SAMMSON: variants seen among roughly 807,000 people sequenced by gnomAD.
SAMMSON encodes long intergenic non-protein coding RNA 1212.
intron 4 of SAMMSON, chr3:70,125,712 T>C (rs2067455065): frequency 4.4e-6 from 3 of 687,032 alleles, no homozygotes; most frequent in Middle Eastern, 6.6e-4. Flanking sequence ...GTAACAGCAC[T>C]AGATGTAAAC....
chr3:70,044,955 A>G (rs2067118632), intron 3 of SAMMSON, among the ~76,000 whole-genome samples: 1 of 135,894 alleles, frequency 7.4e-6, no homozygotes, highest in Non-Finnish European at 1.5e-5. Context: ...AAATACTTTA[A>G]TTATATTAGA....
At chr3:70,173,714 A>G (rs1032141693) in intron 4 of SAMMSON, among the ~76,000 whole-genome samples, 3 of 151,970 alleles carry the variant, frequency 2.0e-5, no homozygotes, top group African/African-American at 7.2e-5. Flanking sequence ...TTGTGTTTTT[A>G]CAGTCTTGTT....
chr3:70,241,705 T>C (rs1263928820), intron 4 of SAMMSON, among the ~76,000 whole-genome samples: 2 of 152,190 alleles, frequency 1.3e-5, no homozygotes, highest in East Asian at 1.9e-4. Context: ...TGTCCTGCTG[T>C]TCCTAAACAT....
chr3:70,392,174 A>C (rs1391410467), downstream of SAMMSON, among the ~76,000 whole-genome samples: 2 of 152,158 alleles, frequency 1.3e-5, no homozygotes, highest in African/African-American at 4.8e-5. Flanking sequence ...CATAGTCCAT[A>C]ACTGTTCATA....
At chr3:70,070,771 T>C (rs2067226558) in intron 3 of SAMMSON, among the ~76,000 whole-genome samples, 1 of 152,066 alleles carries the variant, frequency 6.6e-6, no homozygotes, top group Admixed American at 6.6e-5. Flanking sequence ...TGAGCAATAC[T>C]GTATTGAGGT....
At position 70,170,935 on chromosome 3, in the gene SAMMSON, A is replaced by T. The variant is rs1201613707; in HGVS notation, n.508-78172A>T. On this transcript the variant is annotated intron_variant and non_coding_transcript_variant, in intron 4 of 9. Coordinates refer to ENST00000642114, the Ensembl canonical transcript of SAMMSON. The stretch of plus-strand genomic sequence containing the variant: ...TCTTAAACAAACAAAATTCAATTTC[A>T]TGGAGATTCTGCCTGTGTAATAACT... 2.6e-5 allele frequency among the ~76,000 whole-genome samples: 4 copies of T among 151,914 alleles called. No individual in the cohort carries two copies. The East Asian group carries it at 7.7e-4, about 29-fold the overall frequency.
intron 9 of SAMMSON, among the ~76,000 whole-genome samples, chr3:70,386,573 G>A (rs569770557): frequency 1.3e-5 from 2 of 152,154 alleles, no homozygotes; most frequent in Admixed American, 1.3e-4. Flanking sequence ...ATTAGACTAC[G>A]CTACAGCTCA....
rs139241188 is a variant in SAMMSON at position 70,139,639 on chromosome 3, G to C, written n.507+68074G>C. Among the ~76,000 whole-genome samples, 8 of 152,288 alleles carry C rather than the reference G, an allele frequency of 5.3e-5. No individual in the cohort carries two copies. In the East Asian group the frequency reaches 1.5e-3, roughly 29 times the overall value. Reference sequence around the variant, plus strand: ...GGAGTGATTGAGGAGTACGGTTATGGAGTTTGGGGTAAGGAAGCCCATGAC... The same window carrying C: ...GGAGTGATTGAGGAGTACGGTTATGCAGTTTGGGGTAAGGAAGCCCATGAC... On this transcript the variant is annotated intron_variant and non_coding_transcript_variant, in intron 4 of 9. Transcript: ENST00000642114.
chr3:70,164,502 C>T (rs2067628825), intron 4 of SAMMSON, among the ~76,000 whole-genome samples: 3 of 151,970 alleles, frequency 2.0e-5, no homozygotes, highest in Non-Finnish European at 4.4e-5. Flanking sequence ...AACCTTGTGC[C>T]TGCACTTTTT....
intron 7 of SAMMSON, among the ~76,000 whole-genome samples, chr3:70,314,181 C>G (rs1702479200): frequency 6.6e-6 from 1 of 152,160 alleles, no homozygotes; most frequent in Non-Finnish European, 1.5e-5. Context: ...CTCCTCCCCC[C>G]AGTGCAACCA....
At chr3:70,336,270 A>G (rs1408765267) in intron 7 of SAMMSON, among the ~76,000 whole-genome samples, 1 of 152,056 alleles carries the variant, frequency 6.6e-6, no homozygotes, top group Non-Finnish European at 1.5e-5. Context: ...ACAAGTAAGC[A>G]GACCCCAGGT....
At chr3:70,419,193 T>A (rs1185538276) in intron 2 of SAMMSON, among the ~76,000 whole-genome samples, 3 of 151,600 alleles carry the variant, frequency 2.0e-5, no homozygotes, top group African/African-American at 7.3e-5. Flanking sequence ...CATGGCTAAT[T>A]ATTGCGTTTT....
At chr3:70,209,600 T>C (rs1701323614) in intron 4 of SAMMSON, among the ~76,000 whole-genome samples, 1 of 152,122 alleles carries the variant, frequency 6.6e-6, no homozygotes, top group South Asian at 2.1e-4. Context: ...CAAGGCCTCC[T>C]CCTTATTCAG....
rs78116527 is a variant in SAMMSON at position 70,126,190 on chromosome 3, A to G, written n.507+54625A>G. On this transcript the variant is annotated intron_variant and non_coding_transcript_variant, in intron 4 of 9. Transcript: ENST00000642114. ...AGTCAGCCCATGGTTTGGTGTAATTACATTTTCTACTGTTAAATAACCAAT... is the reference window on the plus strand; with the variant it reads ...AGTCAGCCCATGGTTTGGTGTAATTGCATTTTCTACTGTTAAATAACCAAT... 2.7e-6 allele frequency: 3 copies of G among 1,112,228 alleles called. No individual in the cohort carries two copies. The South Asian group carries it at 3.9e-5, about 15-fold the overall frequency. The allele number at this position is 1,112,228 out of a possible 1,614,324, so 68.9% of individuals were successfully genotyped here. A position where few individuals can be genotyped will look rare whatever the true frequency, so the allele number is the denominator to read the frequency against.
chr3:70,090,830 A>G (rs2067302527), intron 4 of SAMMSON, among the ~76,000 whole-genome samples: 1 of 152,090 alleles, frequency 6.6e-6, no homozygotes, highest in Non-Finnish European at 1.5e-5. Flanking sequence ...ATTGTCAAAC[A>G]TTAGCATAAT....
intron 4 of SAMMSON, among the ~76,000 whole-genome samples, chr3:70,180,416 C>A: frequency 6.6e-6 from 1 of 151,884 alleles, no homozygotes; most frequent in East Asian, 1.9e-4. Context: ...TATATACTAC[C>A]TACATATATT....
intron 7 of SAMMSON, among the ~76,000 whole-genome samples, chr3:70,329,088 A>G (rs919077316): frequency 2.6e-5 from 4 of 152,164 alleles, no homozygotes; most frequent in African/African-American, 9.6e-5. Context: ...TAGTCATTCA[A>G]TTACTTCATA....
intron 2 of SAMMSON, among the ~76,000 whole-genome samples, chr3:70,433,814 T>C (rs1047438780): frequency 6.6e-6 from 1 of 152,180 alleles, no homozygotes; most frequent in African/African-American, 2.4e-5. Flanking sequence ...AGTTACTTTT[T>C]ATGAAAGATG....
intron 4 of SAMMSON, among the ~76,000 whole-genome samples, chr3:70,152,205 A>G (rs1559524150): frequency 6.6e-6 from 1 of 151,950 alleles, no homozygotes; most frequent in Admixed American, 6.6e-5. Context: ...TGAACACTTG[A>G]TTTGCGATAC....
Sources: gnomAD v4.1 joint callset for allele counts (sites outside exome capture counted in the v4.1 genomes callset) on GRCh38, gnomAD v4.1.1 for gene constraint, MANE v1.5 for transcripts, NCBI Gene and HGNC (gene_info 2026-07-23, HGNC 2026-07-21) for gene names.